The following DNAJC8 variants were observed in gnomAD, a reference collection of about 807,000 sequenced individuals.
DNAJC8 encodes the protein dnaJ homolog subfamily C member 8.
A neutral mutation model predicts 43.2 loss-of-function variants in DNAJC8; 24 were observed. The observed-to-expected ratio is 0.56, with a 90% CI of 0.40 to 0.78. DNAJC8 has a LOEUF of 0.78. Among genes scored for constraint, DNAJC8 ranks in the 30% least tolerant of loss-of-function variants. The pLI, the probability that DNAJC8 is intolerant of heterozygous loss-of-function variation, is 0.00. For synonymous variants in DNAJC8, 83 were observed against 98.0 expected (o/e 0.85, Z 0.90); for missense variants, 207 against 299.4 (o/e 0.69, Z 2.28).
chr1:28,213,863 A>G (rs1161839825), intron 3 of DNAJC8, among the ~76,000 whole-genome samples: 1 of 152,054 alleles, frequency 6.6e-6, no homozygotes, highest in African/African-American at 2.4e-5. Flanking sequence ...AAAAAATACA[A>G]AAATTATCTG....
At chr1:28,210,772 TAAC>T (rs1416625085) in intron 3 of DNAJC8, 135 bp from the exon 4 acceptor site, 1 of 605,278 alleles carries the variant, frequency 1.7e-6, no homozygotes, top group Non-Finnish European at 2.9e-6. Flanking sequence ...TTTAAAAAAT[TAAC>T]AAATCTCTTT....
intron 2 of DNAJC8, among the ~76,000 whole-genome samples, chr1:28,219,858 G>C (rs1646887121): frequency 6.6e-6 from 1 of 152,100 alleles, no homozygotes; most frequent in Admixed American, 6.5e-5. Flanking sequence ...TTGTATTTCA[G>C]TAGAGATGGG....
At chr1:28,202,062 C>T (rs1410897300) in intron 8 of DNAJC8, among the ~76,000 whole-genome samples, 1 of 152,044 alleles carries the variant, frequency 6.6e-6, no homozygotes, top group African/African-American at 2.4e-5. Context: ...CGCACTCCAG[C>T]CTGAGCAACA....
At chr1:28,202,016 G>T (rs892549394) in intron 8 of DNAJC8, among the ~76,000 whole-genome samples, 1 of 151,904 alleles carries the variant, frequency 6.6e-6, no homozygotes. Flanking sequence ...CTTGAACCTG[G>T]GAGGCGGAGG....
chr1:28,215,771 AG>A (rs1646848832), intron 2 of DNAJC8, among the ~76,000 whole-genome samples: 1 of 152,084 alleles, frequency 6.6e-6, no homozygotes. Context: ...TCCAGACTTC[AG>A]GTGATCCGCC....
At chr1:28,219,619 A>C (rs1646885219) in intron 2 of DNAJC8, among the ~76,000 whole-genome samples, 1 of 152,180 alleles carries the variant, frequency 6.6e-6, no homozygotes, top group South Asian at 2.1e-4. Context: ...TGGTTTTCCT[A>C]TGGCTAAAGT....
intron 2 of DNAJC8, among the ~76,000 whole-genome samples, chr1:28,225,292 C>T (rs997136344): frequency 7.3e-5 from 11 of 151,256 alleles, no homozygotes; most frequent in Admixed American, 7.3e-4. Context: ...GACCATCATA[C>T]TAACAATTTA....
chr1:28,228,306 G>A (rs985764703), intron 2 of DNAJC8, among the ~76,000 whole-genome samples: 23 of 130,998 alleles, frequency 1.8e-4, no homozygotes, highest in African/African-American at 6.6e-4. Flanking sequence ...TCAAGATCGC[G>A]CCACTGCACT....
At chr1:28,228,215 G>C (rs1399407001) in intron 2 of DNAJC8, among the ~76,000 whole-genome samples, 1 of 151,934 alleles carries the variant, frequency 6.6e-6, no homozygotes, top group Non-Finnish European at 1.5e-5. Flanking sequence ...CAGGCACAGT[G>C]GTGGGCACCT....
intron 7 of DNAJC8, among the ~76,000 whole-genome samples, 187 bp downstream of exon 7, chr1:28,205,071 T>C (rs894713838): frequency 4.6e-5 from 7 of 152,130 alleles, no homozygotes; most frequent in Non-Finnish European, 7.4e-5. Context: ...TATTCAATAA[T>C]TCTCAAAAGT....
chr1:28,218,094 CTT>C (rs34973122), intron 2 of DNAJC8, among the ~76,000 whole-genome samples: 33 of 122,288 alleles, frequency 2.7e-4, no homozygotes, highest in South Asian at 7.9e-4. Flanking sequence ...GGTTTCTATT[CTT>C]TTTTTTTTTT....
intron 2 of DNAJC8, 88 bp from the exon 3 acceptor site, chr1:28,215,084 A>C (rs767436749): frequency 3.5e-6 from 4 of 1,144,866 alleles, no homozygotes; most frequent in Admixed American, 4.9e-5. Flanking sequence ...ATATATTATA[A>C]TCAGCATCTA....
At chr1:28,226,323 G>A (rs755618459) in intron 2 of DNAJC8, among the ~76,000 whole-genome samples, 2 of 150,102 alleles carry the variant, frequency 1.3e-5, no homozygotes, top group Non-Finnish European at 3.0e-5. Flanking sequence ...GGCCAATATG[G>A]TGAAACCCAT....
At chr1:28,216,551 A>T (rs1343036506) in intron 2 of DNAJC8, among the ~76,000 whole-genome samples, 2 of 152,162 alleles carry the variant, frequency 1.3e-5, no homozygotes, top group African/African-American at 2.4e-5. Flanking sequence ...TTGATTTTTT[A>T]AAAATAAATT....
intron 3 of DNAJC8, among the ~76,000 whole-genome samples, chr1:28,211,150 CCT>C (rs994374554): frequency 5.3e-5 from 8 of 149,878 alleles, no homozygotes; most frequent in Non-Finnish European, 8.9e-5. Flanking sequence ...AAAGTGAGAC[CCT>C]GTCTCCAGGA....
chr1:28,222,418 G>A lies in DNAJC8; in HGVS notation c.180+6504C>T, dbSNP rs545418080. Among the ~76,000 whole-genome samples the A allele has an allele frequency of 2.0e-5, 3 of 149,722 alleles. No individual in the cohort carries two copies. In the East Asian group the frequency reaches 5.9e-4, roughly 29 times the overall value. ...GGAGAATTGCTTGAATCCAGGTGGC[G>A]GAGGTTGCAGTAAGCCGAGATCACG... On this transcript the variant is annotated intron_variant, in intron 2 of 8. Coordinates refer to ENST00000263697, the MANE Select transcript of DNAJC8 (RefSeq NM_014280.3).
chr1:28,202,844 A>C (rs1476391450), intron 8 of DNAJC8, among the ~76,000 whole-genome samples: 2 of 152,086 alleles, frequency 1.3e-5, no homozygotes, highest in Non-Finnish European at 2.9e-5. Flanking sequence ...GGCCTCCCAA[A>C]GTGCTGGGAT....
At chr1:28,211,290 G>GT (rs1646809172) in intron 3 of DNAJC8, among the ~76,000 whole-genome samples, 1 of 152,224 alleles carries the variant, frequency 6.6e-6, no homozygotes, top group Admixed American at 6.5e-5. Context: ...TGCAGGTTGA[G>GT]CACCCAAAAT....
In DNAJC8 at chr1:28,205,355, G is replaced by A; in HGVS notation, c.472-6C>T. ...TTATATACAGCTTGTTTGAACTACA[G>A]GAAAATCAAGAACAAAAGAAAATCA... On this transcript the variant is annotated splice_region_variant and splice_polypyrimidine_tract_variant and intron_variant, in intron 6 of 8. Coordinates refer to ENST00000263697, the MANE Select transcript of DNAJC8 (RefSeq NM_014280.3). 1 of 1,596,208 alleles carries A rather than the reference G, an allele frequency of 6.3e-7. No individual in the cohort carries two copies. Among genetic ancestry groups the A allele is most frequent in the Non-Finnish European group, 8.5e-7 (1 of 1,171,820 alleles).
Sources: allele counts gnomAD v4.1 joint callset (sites outside exome capture counted in the v4.1 genomes callset), GRCh38; gene constraint gnomAD v4.1.1; transcripts MANE v1.5; gene names NCBI Gene and HGNC (gene_info 2026-07-23, HGNC 2026-07-21).